The following TNR variants were observed in gnomAD, a reference collection of about 807,000 sequenced individuals.
TNR encodes tenascin-R.
A neutral mutation model predicts 150.4 loss-of-function variants in TNR; 45 were observed. The ratio of observed to expected loss-of-function variants is 0.30; its 90% confidence interval spans 0.24 to 0.38. The LOEUF is 0.38. Among genes scored for constraint, TNR ranks in the 10% least tolerant of loss-of-function variants. The pLI is 1.00. For missense variants in TNR, 1,544 were observed against 1,759.1 expected (o/e 0.88, Z 2.19); for synonymous variants, 687 against 678.4 (o/e 1.01, Z -0.20).
At chr1:175,458,361 A>G (rs1446804332) in intron 2 of TNR, among the ~76,000 whole-genome samples, 1 of 152,228 alleles carries the variant, frequency 6.6e-6, no homozygotes, top group African/African-American at 2.4e-5. Flanking sequence ...ATTTGTTCAA[A>G]GGGTATGGGA....
At chr1:175,418,242 T>C (rs1390239752) in intron 2 of TNR, among the ~76,000 whole-genome samples, 1 of 151,972 alleles carries the variant, frequency 6.6e-6, no homozygotes, top group Non-Finnish European at 1.5e-5. Flanking sequence ...AGAAAGATAT[T>C]CATATAACAA....
intron 1 of TNR, among the ~76,000 whole-genome samples, chr1:175,705,784 G>A (rs999883335): frequency 8.5e-5 from 13 of 152,224 alleles, no homozygotes; most frequent in African/African-American, 2.4e-4. Flanking sequence ...AATATAAGCC[G>A]ACAACAACAT....
Position 175,599,596 on chromosome 1 carries a change from G to A in TNR, c.-164-71227C>T, listed in dbSNP as rs1466303261. Among the ~76,000 whole-genome samples the A allele has an allele frequency of 1.3e-5, 2 of 152,188 alleles. No individual in the cohort carries two copies. The highest frequency in any genetic ancestry group is 2.4e-5 in the African/African-American group (1 of 41,446). Reference sequence around the variant, plus strand: ...CAGCGGTAATGGGGCCGGCCCACCCGGAGGCAGCCCGGAGCAGCGTCGCCC... The same window carrying A: ...CAGCGGTAATGGGGCCGGCCCACCCAGAGGCAGCCCGGAGCAGCGTCGCCC... On this transcript the variant is annotated intron_variant, in intron 1 of 22. Coordinates refer to ENST00000367674, the MANE Select transcript of TNR (RefSeq NM_003285.3). This position sits in a 1 kb window ranked among gnomAD's most constrained non-coding sequence, Gnocchi z 4.7.
chr1:175,460,898 C>T (rs1656784417), intron 2 of TNR, among the ~76,000 whole-genome samples: 1 of 152,174 alleles, frequency 6.6e-6, no homozygotes, highest in South Asian at 2.1e-4. Flanking sequence ...CATACATGCA[C>T]CCACACACAT....
chr1:175,423,014 T>C (rs967271762), intron 2 of TNR, among the ~76,000 whole-genome samples: 3 of 152,176 alleles, frequency 2.0e-5, no homozygotes, highest in Non-Finnish European at 2.9e-5. Flanking sequence ...TGCCTATCTG[T>C]CTCTCGTGCC....
At chr1:175,393,986 C>T (rs768576302) in intron 5 of TNR, 91 bp from the exon 6 acceptor site, 283 of 1,005,636 alleles carry the variant, frequency 2.8e-4, no homozygotes, top group Non-Finnish European at 4.1e-4. Context: ...ACTCCCTCCA[C>T]GCCATGGGCG....
chr1:175,514,074 G>A (rs768481347), intron 2 of TNR, among the ~76,000 whole-genome samples: 1 of 152,232 alleles, frequency 6.6e-6, no homozygotes, highest in Non-Finnish European at 1.5e-5. Flanking sequence ...CCATACCTTA[G>A]TCTCTGGAAT....
intron 1 of TNR, among the ~76,000 whole-genome samples, chr1:175,742,608 G>A (rs1305235562): frequency 6.6e-6 from 1 of 152,080 alleles, no homozygotes; most frequent in Non-Finnish European, 1.5e-5. Flanking sequence ...AGCTTCACCT[G>A]TTGCACCTGC....
intron 2 of TNR, among the ~76,000 whole-genome samples, chr1:175,437,495 A>G (rs1034496526): frequency 6.6e-6 from 1 of 152,222 alleles, no homozygotes; most frequent in African/African-American, 2.4e-5. Flanking sequence ...AATACATTCA[A>G]AAGCTAGCAG....
intron 1 of TNR, among the ~76,000 whole-genome samples, chr1:175,558,883 A>G (rs1287106946): frequency 1.3e-5 from 2 of 152,186 alleles, no homozygotes; most frequent in Non-Finnish European, 2.9e-5. Context: ...GTCCAAACCC[A>G]AAATATGTAT....
intron 1 of TNR, among the ~76,000 whole-genome samples, chr1:175,548,170 T>C (rs2102196829): frequency 6.6e-6 from 1 of 152,286 alleles, no homozygotes; most frequent in African/African-American, 2.4e-5. Context: ...CTCTGGGCAC[T>C]TCTGCGGAGA....
Position 175,577,596 on chromosome 1 carries a change from G to T in TNR, c.-164-49227C>A, listed in dbSNP as rs528108577. ...AGTGGCTTGGAGGGCTGGGGGTGCG[G>T]GTTTGGGAGCGAGGTAGGGAAAGGG... On this transcript the variant is annotated intron_variant, in intron 1 of 22. Coordinates refer to ENST00000367674, the MANE Select transcript of TNR (RefSeq NM_003285.3). Among the ~76,000 whole-genome samples the T allele has an allele frequency of 5.3e-4, 81 of 152,256 alleles. 1 individual carries two copies. The highest frequency in any genetic ancestry group is 1.9e-3 in the African/African-American group (77 of 41,540).
chr1:175,710,457 A>C (rs59207781), intron 1 of TNR, among the ~76,000 whole-genome samples: 13 of 152,068 alleles, frequency 8.5e-5, no homozygotes, highest in Non-Finnish European at 1.6e-4. Flanking sequence ...AGTGACCTGC[A>C]CTGGAGTGAC....
chr1:175,365,822 C>T (rs994866843), intron 11 of TNR, 53 bp downstream of exon 11: 1 of 1,575,772 alleles, frequency 6.3e-7, no homozygotes, highest in African/African-American at 1.3e-5. Flanking sequence ...GAATTTCTCA[C>T]ACTGAGATCC....
rs554954841 is a variant in TNR at position 175,402,108 on chromosome 1, C to A, written c.976+1032G>T. 3.2e-4 allele frequency among the ~76,000 whole-genome samples: 48 copies of A among 151,356 alleles called. No individual in the cohort carries two copies. In the Middle Eastern group the frequency reaches 0.014, roughly 43 times the overall value. On this transcript the variant is annotated intron_variant, in intron 4 of 22. Transcript: ENST00000367674. Reference sequence around the variant, plus strand: ...GGATCATGAGGTCAGGAGATCGAGACCATCCTGGCTAACAAGGTGAAACCC... The same window carrying A: ...GGATCATGAGGTCAGGAGATCGAGAACATCCTGGCTAACAAGGTGAAACCC...
In TNR at chr1:175,317,589, T is replaced by C. The variant is rs1403949236; in HGVS notation, c.*5768A>G. The C allele has an allele frequency of 6.6e-6, 1 of 152,284 alleles. No individual in the cohort carries two copies. Among genetic ancestry groups the C allele is most frequent in the Admixed American group, 6.5e-5 (1 of 15,288 alleles). 9.4% of individuals were successfully genotyped at this position (152,284 alleles called of 1,614,324 possible). ...TGGACTGAAACCCTTTCTTGTGACC[T>C]AGGTGTTCTAGACCTGTTGGGTGTA... On this transcript the variant is annotated 3_prime_UTR_variant, in exon 23 of 23. Coordinates refer to ENST00000367674, the MANE Select transcript of TNR (RefSeq NM_003285.3).
In TNR at chr1:175,418,111, G is replaced by A. The variant is rs532908624; in HGVS notation, c.-63-11334C>T. 5.9e-5 allele frequency among the ~76,000 whole-genome samples: 9 copies of A among 152,244 alleles called. No individual in the cohort carries two copies. The South Asian group carries it at 1.9e-3, about 32-fold the overall frequency. ...AGCTCTGAGAGTACTGGTATATGGA[G>A]CAAAACCTGCTTAATTAAATTCAGT... On this transcript the variant is annotated intron_variant, in intron 2 of 22. Transcript: ENST00000367674.
intron 1 of TNR, among the ~76,000 whole-genome samples, chr1:175,536,582 C>T (rs1015527406): frequency 1.4e-4 from 22 of 152,200 alleles, no homozygotes; most frequent in African/African-American, 5.1e-4. Context: ...CTTTGTCCTT[C>T]CTTCTGGTAG....
intron 1 of TNR, among the ~76,000 whole-genome samples, chr1:175,726,742 C>A (rs1025442280): frequency 6.6e-6 from 1 of 152,160 alleles, no homozygotes; most frequent in Non-Finnish European, 1.5e-5. Context: ...AAAATGTGAT[C>A]ACAAATTATT....
Sources: allele counts gnomAD v4.1 joint callset (sites outside exome capture counted in the v4.1 genomes callset), GRCh38; gene constraint gnomAD v4.1.1; non-coding constraint Gnocchi (gnomAD v3.1); transcripts MANE v1.5; gene names NCBI Gene and HGNC (gene_info 2026-07-23, HGNC 2026-07-21).